Variants in MGST1 observed in about 807,000 individuals in gnomAD.
The protein encoded by MGST1 is microsomal glutathione S-transferase 1.
Under a neutral mutation model 8.9 loss-of-function variants are expected in MGST1, and 5 were observed. The ratio of observed to expected loss-of-function variants is 0.56; its 90% CI spans 0.29 to 1.19. MGST1 has a LOEUF of 1.19. Among genes scored for constraint, MGST1 ranks in the 50% most tolerant of loss-of-function variants. The pLI is 0.08. For synonymous variants in MGST1, 54 were observed against 67.8 expected (o/e 0.80, Z 1.00); for missense variants, 182 against 187.4 (o/e 0.97, Z 0.17).
At chr12:16,489,418 T>C (rs1941422700) in intron 4 of MGST1, among the ~76,000 whole-genome samples, 2 of 152,158 alleles carry the variant, frequency 1.3e-5, no homozygotes, top group Non-Finnish European at 2.9e-5. Context: ...TCATGATTGA[T>C]AGTATGCAGA....
intron 4 of MGST1, among the ~76,000 whole-genome samples, chr12:16,494,472 T>C (rs1188876509): frequency 6.6e-6 from 1 of 152,212 alleles, no homozygotes; most frequent in Non-Finnish European, 1.5e-5. Context: ...TACTTATTAA[T>C]TGTAAGACCT....
chr12:16,515,114 A>G (rs1184060664), intron 4 of MGST1, among the ~76,000 whole-genome samples: 1 of 152,218 alleles, frequency 6.6e-6, no homozygotes, highest in African/African-American at 2.4e-5. Context: ...TCCTCTCATC[A>G]TGGAGCAACC....
chr12:16,429,195 CT>C (rs1940918850), intron 1 of MGST1, among the ~76,000 whole-genome samples: 1 of 152,060 alleles, frequency 6.6e-6, no homozygotes, highest in Non-Finnish European at 1.5e-5. Context: ...ACTTCTGAAT[CT>C]TTTAGTTCTG....
rs1427035560 is a variant in MGST1 at position 16,458,487 on chromosome 12, A to G, written n.482+74883A>G. Among the ~76,000 whole-genome samples, 1 of 152,072 alleles carries G rather than the reference A, an allele frequency of 6.6e-6. No homozygotes were observed. The highest frequency in any genetic ancestry group is 2.4e-5 in the African/African-American group (1 of 41,440). On this transcript the variant is annotated intron_variant and non_coding_transcript_variant, in intron 4 of 4. Coordinates refer to the MGST1 transcript ENST00000538857. This position sits in a 1 kb window ranked among gnomAD's most constrained non-coding sequence, Gnocchi z 4.0. ...CAATAAGCAGTCAGTCACATTAACA[A>G]TGAAATAGGTCCATTAACATACGAT...
chr12:16,359,711 G>A (rs753009727), intron 3 of MGST1, among the ~76,000 whole-genome samples: 1 of 152,162 alleles, frequency 6.6e-6, no homozygotes, highest in African/African-American at 2.4e-5. Context: ...CCCTTTTAGA[G>A]CAGGCAGCCG....
chr12:16,464,803 T>G (rs1188273500), intron 4 of MGST1, among the ~76,000 whole-genome samples: 1 of 152,254 alleles, frequency 6.6e-6, no homozygotes, highest in Non-Finnish European at 1.5e-5. Flanking sequence ...TAGGGCTTCA[T>G]AGTCCTTTGC....
At chr12:16,527,717 A>G (rs1293787588) in intron 4 of MGST1, among the ~76,000 whole-genome samples, 1 of 151,988 alleles carries the variant, frequency 6.6e-6, no homozygotes, top group Non-Finnish European at 1.5e-5. Context: ...GGGAATAATA[A>G]TAATAAGTCA....
intron 4 of MGST1, among the ~76,000 whole-genome samples, chr12:16,487,384 T>C (rs529680632): frequency 6.6e-6 from 1 of 152,258 alleles, no homozygotes; most frequent in African/African-American, 2.4e-5. Context: ...TTACATAAAT[T>C]CTTCCAGAGA....
chr12:16,372,803 G>A (rs1940315774), intron 3 of MGST1, among the ~76,000 whole-genome samples: 1 of 150,634 alleles, frequency 6.6e-6, no homozygotes, highest in African/African-American at 2.4e-5. Context: ...GGATAAAGAA[G>A]ATGGGATGTG....
At chr12:16,562,285 G>C (rs1275929951) in intron 4 of MGST1, among the ~76,000 whole-genome samples, 2 of 151,978 alleles carry the variant, frequency 1.3e-5, no homozygotes, top group African/African-American at 2.4e-5. Flanking sequence ...ATGTGCCATT[G>C]TTTCTTCTGT....
chr12:16,426,283 G>A (rs6488846), intron 1 of MGST1, among the ~76,000 whole-genome samples: 151,712 of 152,298 alleles, frequency 1, 75,568 homozygotes, highest in Middle Eastern at 1. Flanking sequence ...CCCTGCATCT[G>A]TGGTTTTGTA....
Position 16,410,099 on chromosome 12 carries a change from G to T in MGST1, n.778+26495G>T, listed in dbSNP as rs1166676815. Among the ~76,000 whole-genome samples, 1 of 152,080 alleles carries T rather than the reference G, an allele frequency of 6.6e-6. No individual in the cohort carries two copies. Among genetic ancestry groups the T allele is most frequent in the Non-Finnish European group, 1.5e-5 (1 of 68,018 alleles). On this transcript the variant is annotated intron_variant and non_coding_transcript_variant, in intron 1 of 1. Coordinates refer to the MGST1 transcript ENST00000359720. The surrounding 1 kb of genome is among the most constrained non-coding windows in gnomAD (Gnocchi z 4.4). ...GCTTTCTCTTTGCTGTTCATAATCT[G>T]CAAGGGTCTGAGTAATGAAGTTTAA...
At chr12:16,386,084 T>A (rs1268103614) in intron 1 of MGST1, among the ~76,000 whole-genome samples, 1 of 152,220 alleles carries the variant, frequency 6.6e-6, no homozygotes, top group Non-Finnish European at 1.5e-5. Context: ...GTTCCCTGTA[T>A]GCCTGTTTGC....
intron 3 of MGST1, among the ~76,000 whole-genome samples, chr12:16,372,648 A>G (rs1940312863): frequency 6.6e-6 from 1 of 151,938 alleles, no homozygotes; most frequent in African/African-American, 2.4e-5. Context: ...AAATAGAATT[A>G]CCATATGATT....
intron 1 of MGST1, among the ~76,000 whole-genome samples, chr12:16,406,155 C>G (rs763783352): frequency 9.9e-5 from 15 of 152,162 alleles, no homozygotes; most frequent in Non-Finnish European, 2.1e-4. Context: ...AATTCTATAT[C>G]TAGAAAACCC....
chr12:16,411,946 A>G lies in MGST1; in HGVS notation n.779-25442A>G, dbSNP rs61091016. Among the ~76,000 whole-genome samples the G allele has an allele frequency of 4.5e-3, 691 of 152,276 alleles. 6 individuals carry two copies. Among genetic ancestry groups the G allele is most frequent in the African/African-American group, 0.016 (664 of 41,556 alleles). On this transcript the variant is annotated intron_variant and non_coding_transcript_variant, in intron 1 of 1. Coordinates refer to the MGST1 transcript ENST00000359720. ...TTGGTTGTCAAATGAAATTAATAAT[A>G]ATACCAACCTCATAAGGTTGTTGTA... is the stretch of plus-strand genomic sequence containing the variant.
intron 4 of MGST1, among the ~76,000 whole-genome samples, chr12:16,539,536 C>T (rs183385860): frequency 1.9e-3 from 286 of 152,256 alleles, no homozygotes; most frequent in African/African-American, 6.3e-3. Context: ...TCCTAAGTGT[C>T]GTGGAGGTGT....
In MGST1 at chr12:16,482,150, T is replaced by C. The variant is rs1164879686; in HGVS notation, n.482+98546T>C. On this transcript the variant is annotated intron_variant and non_coding_transcript_variant, in intron 4 of 4. Transcript: ENST00000538857. This position sits in a 1 kb window ranked among gnomAD's most constrained non-coding sequence, Gnocchi z 4.2. ...AAAACGCTGAAGGAAAATAAAGATA[T>C]TTTCATGAAAACCAAAGCAAATTAC... is the stretch of plus-strand genomic sequence containing the variant. 1.3e-5 allele frequency among the ~76,000 whole-genome samples: 2 copies of C among 152,160 alleles called. No individual in the cohort carries two copies. The highest frequency in any genetic ancestry group is 4.8e-5 in the African/African-American group (2 of 41,430).
chr12:16,402,500 C>A (rs888826166), intron 1 of MGST1: 1 of 1,234,892 alleles, frequency 8.1e-7, no homozygotes. Context: ...GCCCAGGAAT[C>A]CCGCACTCTT....
Sources: gnomAD v4.1 joint callset for allele counts (sites outside exome capture counted in the v4.1 genomes callset) on GRCh38, gnomAD v4.1.1 for gene constraint, Gnocchi (gnomAD v3.1) non-coding constraint, MANE v1.5 for transcripts, NCBI Gene and HGNC (gene_info 2026-07-23, HGNC 2026-07-21) for gene names.